The following VWF variants were observed in gnomAD, a reference collection of about 807,000 sequenced individuals.
VWF encodes von Willebrand factor.
Under a neutral mutation model 308.6 loss-of-function variants are expected in VWF, and 176 were observed. The ratio of observed to expected loss-of-function variants is 0.57; its 90% CI spans 0.50 to 0.65. The LOEUF is 0.65. Among genes scored for constraint, VWF ranks in the 30% least tolerant of loss-of-function variants. The pLI is 0.00. For missense variants in VWF, 3,146 were observed against 3,648.2 expected (o/e 0.86, Z 3.55); for synonymous variants, 1,385 against 1,443.4 (o/e 0.96, Z 0.92).
intron 38 of VWF, among the ~76,000 whole-genome samples, chr12:5,989,402 G>A (rs1316386276): frequency 6.6e-6 from 1 of 152,054 alleles, no homozygotes; most frequent in Admixed American, 6.6e-5. Flanking sequence ...CTTCACATTA[G>A]GTTTTTATTC....
chr12:5,968,690 G>T (rs772828606), intron 45 of VWF, among the ~76,000 whole-genome samples: 46 of 152,172 alleles, frequency 3.0e-4, no homozygotes, highest in Non-Finnish European at 4.9e-4. Flanking sequence ...CAGCTACTTG[G>T]AGGCTGAGGC....
intron 31 of VWF, among the ~76,000 whole-genome samples, chr12:6,015,371 G>A (rs1203339537): frequency 6.6e-6 from 1 of 152,030 alleles, no homozygotes; most frequent in Non-Finnish European, 1.5e-5. Context: ...AACTTCCTCA[G>A]GAAGAACATC....
rs1467385663 is a variant in VWF at position 6,058,283 on chromosome 12, A to C, written c.1534-239T>G. On this transcript the variant is annotated intron_variant, in intron 13 of 51. Transcript: ENST00000261405. This position sits in a 1 kb window ranked among gnomAD's most constrained non-coding sequence, Gnocchi z 4.9. ...AATCATCAGAGCCCTGTACTGCCAC[A>C]AGAGATTTTAGAAATTATCAGATCA... 1.3e-5 allele frequency among the ~76,000 whole-genome samples: 2 copies of C among 152,208 alleles called. No homozygotes were observed. Among genetic ancestry groups the C allele is most frequent in the Non-Finnish European group, 2.9e-5 (2 of 68,034 alleles).
intron 48 of VWF, 34 bp from the exon 49 acceptor site, chr12:5,952,553 C>A: frequency 6.2e-7 from 1 of 1,609,510 alleles, no homozygotes; most frequent in Non-Finnish European, 8.5e-7. Flanking sequence ...AAGTCAGAGA[C>A]AGTGTTTGGT....
chr12:6,057,992 C>A lies in VWF; in HGVS notation c.1586G>T (p.Gly529Val). 6.2e-7 allele frequency: 1 copy of A among 1,613,560 alleles called. No homozygotes were observed. Among genetic ancestry groups the A allele is most frequent in the African/African-American group, 1.3e-5 (1 of 75,066 alleles). Residue 529 changes from glycine (G) to valine (V), a missense_variant, in exon 14 of 52, where the codon GGC becomes GTC. Physicochemically the swap from Gly to Val is moderately radical, Grantham distance 109. Transcript: ENST00000261405. ...KTCGLCGNYN[G>V]NQGDDFLTPS... ...GGTAAGGAAGTCGTCGCCCTGGTTG[C>A]CATTGTAATTCCCACACAGGCCGCA...
intron 38 of VWF, among the ~76,000 whole-genome samples, chr12:5,987,635 C>T (rs1173389482): frequency 1.3e-5 from 2 of 152,264 alleles, no homozygotes; most frequent in Non-Finnish European, 2.9e-5. Context: ...GTGATACACA[C>T]ACACCGTGGA....
At chr12:6,079,483 A>G (rs888560176) in intron 6 of VWF, among the ~76,000 whole-genome samples, 7 of 152,050 alleles carry the variant, frequency 4.6e-5, no homozygotes, top group South Asian at 2.1e-4. Flanking sequence ...GGTGGCGGGC[A>G]CCTGTAGTCC....
intron 6 of VWF, among the ~76,000 whole-genome samples, chr12:6,094,402 GTT>G (rs1945082180): frequency 6.6e-6 from 1 of 152,168 alleles, no homozygotes; most frequent in Non-Finnish European, 1.5e-5. Context: ...CCTATTTCTA[GTT>G]TACAACAGCC....
intron 47 of VWF, among the ~76,000 whole-genome samples, chr12:5,966,913 G>A (rs767956242): frequency 1.1e-4 from 17 of 152,192 alleles, no homozygotes; most frequent in East Asian, 5.8e-4. Context: ...TGAAACCCAC[G>A]GAATGCCAGT....
intron 5 of VWF, among the ~76,000 whole-genome samples, chr12:6,103,374 G>A (rs1945191002): frequency 7.2e-6 from 1 of 139,280 alleles, no homozygotes; most frequent in African/African-American, 2.9e-5. Context: ...ATATGTGTGT[G>A]TGTGTATACA....
At chr12:6,002,648 T>C (rs550127698) in intron 34 of VWF, among the ~76,000 whole-genome samples, 3 of 151,970 alleles carry the variant, frequency 2.0e-5, no homozygotes, top group Non-Finnish European at 2.9e-5. Flanking sequence ...TAGAGTAAGT[T>C]AGTAGGAATT....
chr12:6,081,095 T>G (rs1018375383), intron 6 of VWF, among the ~76,000 whole-genome samples: 2 of 152,164 alleles, frequency 1.3e-5, no homozygotes, highest in Non-Finnish European at 2.9e-5. Context: ...CCCATCCTCC[T>G]GCGTTCAGGA....
In VWF at chr12:5,967,567, G is replaced by C. The variant is rs748585085; in HGVS notation, c.7806C>G (p.Thr2602=). 3.1e-6 allele frequency: 5 copies of C among 1,614,074 alleles called. No homozygotes were observed. In the South Asian group the frequency reaches 5.5e-5, roughly 18 times the overall value. ...CCCCCACCTGCACCATGCAGCGGCA[G>C]GTCGTGCACACATCGATCATCACAG... ...GKTVMIDVCT[T]CRCMVQVGVI... The change falls in exon 47 of 52, where the codon ACC becomes ACG. Residue 2602 remains threonine, a synonymous_variant. Transcript: ENST00000261405.
chr12:6,112,852 A>ACACACACACACC (rs1488406586), intron 3 of VWF, among the ~76,000 whole-genome samples: 101 of 147,322 alleles, frequency 6.9e-4, no homozygotes, highest in African/African-American at 2.6e-3. Flanking sequence ...ACACACACAC[A>ACACACACACACC]CCACACGCAC....
At position 6,110,310 on chromosome 12, in the gene VWF, T is replaced by G; in HGVS notation, c.532+64A>C. On this transcript the variant is annotated intron_variant, in intron 5 of 51. Transcript: ENST00000261405. ...CCAGGGAAGGCATGTTAGTGAAGGT[T>G]TATGAGCAAGGAAATAAAAAGCATG... 5 of 1,561,166 alleles carry G rather than the reference T, an allele frequency of 3.2e-6. No homozygotes were observed. The Admixed American group carries it at 8.3e-5, about 26-fold the overall frequency.
In VWF at chr12:6,108,132, A is replaced by G. The variant is rs376974617; in HGVS notation, c.532+2242T>C. Among the ~76,000 whole-genome samples the G allele has an allele frequency of 1.5e-4, 23 of 151,782 alleles. No homozygotes were observed. In the East Asian group the frequency reaches 1.8e-3, roughly 12 times the overall value. ...AACATGCTGAAACCTCATCTCTACT[A>G]AAAATACAAAAATTAGCCAGGCGTG... On this transcript the variant is annotated intron_variant, in intron 5 of 51. Coordinates refer to ENST00000261405, the MANE Select transcript of VWF (RefSeq NM_000552.5).
rs1232910557 is a variant in VWF, at chr12:6,002,348, A to G, written c.5843-6126T>C. ...AATCATGAGTTAATTTGATCAAGAA[A>G]AAAGATAATAAACATGTATATAAAT... On this transcript the variant is annotated intron_variant, in intron 34 of 51. Transcript: ENST00000261405. Among the ~76,000 whole-genome samples, 19 of 151,934 alleles carry G rather than the reference A, an allele frequency of 1.3e-4. 1 individual carries two copies. Among genetic ancestry groups the G allele is most frequent in the Admixed American group, 1.2e-3 (19 of 15,280 alleles).
chr12:6,018,725 C>A lies in VWF; in HGVS notation c.4693G>T (p.Val1565Leu), dbSNP rs1800385. The A allele has an allele frequency of 0.11, 170,554 of 1,613,044 alleles. 14,229 individuals carry two copies. Among genetic ancestry groups the A allele is most frequent in the East Asian group, 0.39 (17,604 of 44,790 alleles). ...CCGCCCTGGTAGCGGATCTCTCGCACCCGCTGCAGGATGTCCCCTTTGGAC... is the reference window on the plus strand; with the variant it reads ...CCGCCCTGGTAGCGGATCTCTCGCAACCGCTGCAGGATGTCCCCTTTGGAC... ...AQSKGDILQR[V>L]REIRYQGGNR... The change falls in exon 28 of 52, where the codon GTG becomes TTG. Residue 1565 changes from valine (V) to leucine (L), a missense_variant. By Grantham distance (32) the Val-to-Leu change is conservative. Transcript: ENST00000261405.
chr12:6,003,838 C>T (rs1451288667), intron 34 of VWF, among the ~76,000 whole-genome samples: 13 of 107,008 alleles, frequency 1.2e-4, no homozygotes, highest in African/African-American at 1.5e-4. Context: ...TTTTTTGAGA[C>T]GGAGTCTCGC....
Sources: gnomAD v4.1 joint callset for allele counts (sites outside exome capture counted in the v4.1 genomes callset) on GRCh38, gnomAD v4.1.1 for gene constraint, Gnocchi (gnomAD v3.1) non-coding constraint, MANE v1.5 for transcripts, NCBI Gene and HGNC (gene_info 2026-07-23, HGNC 2026-07-21) for gene names.